Variants in FBXL7 observed in about 807,000 individuals in gnomAD.
The protein encoded by FBXL7 is F-box/LRR-repeat protein 7.
Under a neutral mutation model 38.3 loss-of-function variants are expected in FBXL7, and 12 were observed. The observed-to-expected ratio is 0.31, with a 90% CI of 0.20 to 0.51. The LOEUF is 0.51. Among genes scored for constraint, FBXL7 ranks in the 20% least tolerant of loss-of-function variants. The probability of loss-of-function intolerance (pLI) is 0.98; values close to 1 mark genes in which losing one functional copy is unlikely to be tolerated. For missense variants in FBXL7, 567 were observed against 676.4 expected (o/e 0.84, Z 1.79); for synonymous variants, 297 against 300.9 (o/e 0.99, Z 0.13).
At chr5:15,751,537 C>G (rs563211795) in intron 2 of FBXL7, among the ~76,000 whole-genome samples, 1 of 152,298 alleles carries the variant, frequency 6.6e-6, no homozygotes, top group African/African-American at 2.4e-5. Flanking sequence ...TATCTTCTCG[C>G]TGAGTTTTGA....
intron 2 of FBXL7, among the ~76,000 whole-genome samples, chr5:15,794,511 T>C (rs1289463263): frequency 1.3e-5 from 2 of 152,208 alleles, no homozygotes; most frequent in Non-Finnish European, 2.9e-5. Flanking sequence ...AGGTTAGAAT[T>C]AATAGTATCT....
chr5:15,773,256 A>G (rs567570583), intron 2 of FBXL7, among the ~76,000 whole-genome samples: 1 of 152,316 alleles, frequency 6.6e-6, no homozygotes, highest in African/African-American at 2.4e-5. Context: ...GGAAAGGCCC[A>G]GTTAATGTTT....
At chr5:15,542,450 T>C (rs2126409793) in intron 1 of FBXL7, among the ~76,000 whole-genome samples, 1 of 152,348 alleles carries the variant, frequency 6.6e-6, no homozygotes, top group Non-Finnish European at 1.5e-5. Context: ...AGCATTCTTC[T>C]ATAAGCCTGC....
intron 2 of FBXL7, among the ~76,000 whole-genome samples, chr5:15,914,262 T>C (rs1419362814): frequency 6.6e-6 from 1 of 151,818 alleles, no homozygotes; most frequent in East Asian, 1.9e-4. Context: ...GGCGGGTGCC[T>C]GTAGTCCCAG....
In FBXL7 at chr5:15,556,204, A is replaced by G. The variant is rs540502870; in HGVS notation, c.37+55491A>G. Among the ~76,000 whole-genome samples, 7 of 152,176 alleles carry G rather than the reference A, an allele frequency of 4.6e-5. No homozygotes were observed. The East Asian group carries it at 1.2e-3, about 25-fold the overall frequency. ...AGGCTGGGAAGTCTCACAGTCTGCC[A>G]TCTGGGAGTTGGAGGCCCCGGAAAG... On this transcript the variant is annotated intron_variant, in intron 1 of 3. Transcript: ENST00000504595.
intron 2 of FBXL7, among the ~76,000 whole-genome samples, chr5:15,804,004 T>G (rs1737640290): frequency 6.6e-6 from 1 of 152,212 alleles, no homozygotes; most frequent in African/African-American, 2.4e-5. Context: ...CTCTTCTGCC[T>G]GAGCCCGACA....
At chr5:15,889,354 C>T (rs575572360) in intron 2 of FBXL7, among the ~76,000 whole-genome samples, 3 of 152,276 alleles carry the variant, frequency 2.0e-5, no homozygotes, top group East Asian at 3.9e-4. Context: ...CCGGAGTGCT[C>T]GAACATGACT....
chr5:15,556,172 A>G (rs778477723), intron 1 of FBXL7, among the ~76,000 whole-genome samples: 5 of 151,984 alleles, frequency 3.3e-5, no homozygotes, highest in Non-Finnish European at 7.4e-5. Context: ...GGCTTATGTG[A>G]CTGTGGAGGC....
intron 2 of FBXL7, among the ~76,000 whole-genome samples, chr5:15,923,381 A>G (rs1741796938): frequency 6.6e-6 from 1 of 152,228 alleles, no homozygotes; most frequent in South Asian, 2.1e-4. Flanking sequence ...TTCCTGCTAT[A>G]GAGACATATT....
intron 2 of FBXL7, among the ~76,000 whole-genome samples, chr5:15,822,149 G>A (rs918556921): frequency 2.7e-5 from 4 of 149,628 alleles, no homozygotes; most frequent in East Asian, 3.9e-4. Context: ...TCAGGAGATC[G>A]AGACCATCCT....
At chr5:15,733,776 AT>A (rs1735674559) in intron 2 of FBXL7, among the ~76,000 whole-genome samples, 1 of 152,214 alleles carries the variant, frequency 6.6e-6, no homozygotes, top group Non-Finnish European at 1.5e-5. Context: ...GTAAATATTT[AT>A]TTTTTAATTT....
chr5:15,579,875 AG>A (rs1739081301), intron 1 of FBXL7, among the ~76,000 whole-genome samples: 1 of 152,126 alleles, frequency 6.6e-6, no homozygotes, highest in Non-Finnish European at 1.5e-5. Flanking sequence ...TTACTGTCTC[AG>A]GGCAGCCAAG....
At chr5:15,661,460 C>G (rs1375792022) in intron 2 of FBXL7, among the ~76,000 whole-genome samples, 1 of 152,038 alleles carries the variant, frequency 6.6e-6, no homozygotes, top group African/African-American at 2.4e-5. Flanking sequence ...CAGCATACAT[C>G]CTTTCCTTGT....
intron 1 of FBXL7, among the ~76,000 whole-genome samples, chr5:15,593,542 C>A (rs1349680503): frequency 2.6e-5 from 4 of 151,998 alleles, no homozygotes; most frequent in East Asian, 1.9e-4. Context: ...AATAAGCAGG[C>A]CTTAGTCTTT....
chr5:15,506,299 C>A (rs983775635), intron 1 of FBXL7, among the ~76,000 whole-genome samples: 7 of 152,034 alleles, frequency 4.6e-5, no homozygotes, highest in African/African-American at 1.7e-4. Context: ...GATGGCTATT[C>A]CGTGACTCCA....
At chr5:15,696,106 C>T (rs1561089311) in intron 2 of FBXL7, among the ~76,000 whole-genome samples, 1 of 152,146 alleles carries the variant, frequency 6.6e-6, no homozygotes, top group Non-Finnish European at 1.5e-5. Context: ...CCTTGTCCTG[C>T]TGAATACATC....
intron 2 of FBXL7, among the ~76,000 whole-genome samples, chr5:15,647,559 CG>C (rs1561068142): frequency 6.6e-6 from 1 of 152,018 alleles, no homozygotes; most frequent in African/African-American, 2.4e-5. Flanking sequence ...AATGAATGGC[CG>C]GGGATTGCGG....
chr5:15,579,004 CAA>C (rs1377725400), intron 1 of FBXL7, among the ~76,000 whole-genome samples: 1 of 152,188 alleles, frequency 6.6e-6, no homozygotes, highest in Non-Finnish European at 1.5e-5. Flanking sequence ...CAGCCTTTGC[CAA>C]CCTGCATTGC....
chr5:15,725,589 T>G (rs796202463), intron 2 of FBXL7, among the ~76,000 whole-genome samples: 2 of 152,212 alleles, frequency 1.3e-5, no homozygotes, highest in South Asian at 2.1e-4. Context: ...ATGTCCCATG[T>G]GTACCTGAGA....
Sources: allele counts gnomAD v4.1 joint callset (sites outside exome capture counted in the v4.1 genomes callset), GRCh38; gene constraint gnomAD v4.1.1; transcripts MANE v1.5; gene names NCBI Gene and HGNC (gene_info 2026-07-23, HGNC 2026-07-21).